The following NKAIN2 variants were observed in gnomAD, a reference collection of about 807,000 sequenced individuals.
NKAIN2 encodes sodium/potassium-transporting ATPase subunit beta-1-interacting protein 2.
In NKAIN2, 14 loss-of-function variants were observed where a neutral mutation model predicts 32.6. That is an observed-to-expected ratio of 0.43 (90% CI 0.28 to 0.67). The LOEUF (loss-of-function observed/expected upper bound fraction) is 0.67. NKAIN2 is among the 30% of genes least tolerant of loss of function. The pLI is 0.17. For missense variants in NKAIN2, 198 were observed against 258.3 expected (o/e 0.77, Z 1.60); for synonymous variants, 80 against 87.2 (o/e 0.92, Z 0.46).
intron 1 of NKAIN2, among the ~76,000 whole-genome samples, chr6:123,952,471 T>G (rs2114587842): frequency 6.6e-6 from 1 of 152,270 alleles, no homozygotes; most frequent in Middle Eastern, 3.4e-3. Context: ...ATTAAATAGG[T>G]TTTCTAACCC....
At chr6:124,489,796 C>G (rs1027215868) in intron 3 of NKAIN2, among the ~76,000 whole-genome samples, 1 of 151,760 alleles carries the variant, frequency 6.6e-6, no homozygotes, top group Non-Finnish European at 1.5e-5. Context: ...TGTCACCAAA[C>G]ATATTCATAA....
chr6:124,459,900 G>A (rs913812453), intron 3 of NKAIN2, among the ~76,000 whole-genome samples: 2 of 151,590 alleles, frequency 1.3e-5, no homozygotes, highest in Non-Finnish European at 3.0e-5. Context: ...TGATATTAGT[G>A]ACCATTTATT....
intron 1 of NKAIN2, among the ~76,000 whole-genome samples, chr6:123,916,223 G>A (rs1167609391): frequency 6.6e-6 from 1 of 152,030 alleles, no homozygotes; most frequent in Admixed American, 6.6e-5. Flanking sequence ...TATAACTGGG[G>A]TGATTAGGGA....
At chr6:124,440,353 A>G (rs1775636362) in intron 3 of NKAIN2, among the ~76,000 whole-genome samples, 1 of 152,054 alleles carries the variant, frequency 6.6e-6, no homozygotes, top group Non-Finnish European at 1.5e-5. Flanking sequence ...GGATAGACTT[A>G]AGCTCCTTTT....
chr6:124,237,686 G>T (rs1792849943), intron 1 of NKAIN2, among the ~76,000 whole-genome samples: 1 of 152,142 alleles, frequency 6.6e-6, no homozygotes, highest in South Asian at 2.1e-4. Flanking sequence ...ACAGGAGTGA[G>T]TGAAGAAAGG....
At chr6:124,260,487 A>C (rs1307404075) in intron 1 of NKAIN2, among the ~76,000 whole-genome samples, 1 of 152,208 alleles carries the variant, frequency 6.6e-6, no homozygotes, top group Non-Finnish European at 1.5e-5. Flanking sequence ...ATCTCCAGGC[A>C]GACAGGATGG....
intron 2 of NKAIN2, among the ~76,000 whole-genome samples, chr6:124,316,944 A>G (rs556337787): frequency 2.6e-5 from 4 of 152,082 alleles, no homozygotes; most frequent in African/African-American, 7.2e-5. Context: ...ATTTTTCTCT[A>G]TTGGTAGCTA....
chr6:124,191,493 C>A (rs1186066346), intron 1 of NKAIN2, among the ~76,000 whole-genome samples: 1 of 151,740 alleles, frequency 6.6e-6, no homozygotes, highest in Non-Finnish European at 1.5e-5. Context: ...TTTATTAATT[C>A]TATTTGTTAT....
chr6:124,801,917 G>A (rs768298495), intron 5 of NKAIN2, among the ~76,000 whole-genome samples: 4 of 152,264 alleles, frequency 2.6e-5, no homozygotes, highest in South Asian at 2.1e-4. Flanking sequence ...AAGGTACACC[G>A]TAAGTCACAC....
At chr6:124,503,458 A>C (rs1456770900) in intron 3 of NKAIN2, among the ~76,000 whole-genome samples, 1 of 152,132 alleles carries the variant, frequency 6.6e-6, no homozygotes, top group Non-Finnish European at 1.5e-5. Flanking sequence ...AAGTAGCTTA[A>C]AATATTTTCT....
intron 1 of NKAIN2, among the ~76,000 whole-genome samples, chr6:124,140,785 G>A (rs1787096973): frequency 6.6e-6 from 1 of 152,164 alleles, no homozygotes; most frequent in Admixed American, 6.5e-5. Context: ...AAACAGAACT[G>A]TAGAAAGAGC....
At chr6:124,411,724 GGCCT>G (rs1404645431) in intron 3 of NKAIN2, among the ~76,000 whole-genome samples, 11 of 152,124 alleles carry the variant, frequency 7.2e-5, no homozygotes, top group African/African-American at 2.7e-4. Context: ...TTTGAATTTT[GGCCT>G]GCCTTGCTAG....
intron 1 of NKAIN2, among the ~76,000 whole-genome samples, chr6:124,193,982 G>A (rs978830354): frequency 6.6e-6 from 1 of 152,074 alleles, no homozygotes; most frequent in African/African-American, 2.4e-5. Context: ...GCAGAGAGAA[G>A]ACCCTGGAGC....
rs550896322 is a variant in NKAIN2 at position 124,126,410 on chromosome 6, T to C, written c.55-156595T>C. 9.2e-5 allele frequency among the ~76,000 whole-genome samples: 14 copies of C among 152,320 alleles called. 1 individual carries two copies. The South Asian group carries it at 2.7e-3, about 29-fold the overall frequency. Reference sequence around the variant, plus strand: ...TCATTCTCCCTCTTACTTGGCTAACTTGGTTCTTGCCTCACTGAGAAAATT... The same window carrying C: ...TCATTCTCCCTCTTACTTGGCTAACCTGGTTCTTGCCTCACTGAGAAAATT... On this transcript the variant is annotated intron_variant, in intron 1 of 6. Coordinates refer to ENST00000368417, the MANE Select transcript of NKAIN2 (RefSeq NM_001040214.3).
intron 1 of NKAIN2, among the ~76,000 whole-genome samples, chr6:124,016,355 A>T (rs1336460496): frequency 6.6e-6 from 1 of 152,150 alleles, no homozygotes; most frequent in African/African-American, 2.4e-5. Flanking sequence ...TTTTTTATAA[A>T]ATGCCTTCAT....
chr6:124,767,575 C>A (rs1373550841), intron 4 of NKAIN2, among the ~76,000 whole-genome samples: 1 of 152,140 alleles, frequency 6.6e-6, no homozygotes, highest in African/African-American at 2.4e-5. Context: ...CTCTTTATAG[C>A]CTTCAGCTCT....
At chr6:124,248,585 T>C (rs957013589) in intron 1 of NKAIN2, among the ~76,000 whole-genome samples, 1 of 152,112 alleles carries the variant, frequency 6.6e-6, no homozygotes. Flanking sequence ...GTCTGTGCTG[T>C]ACTTTATTAT....
intron 1 of NKAIN2, among the ~76,000 whole-genome samples, chr6:123,948,928 T>C (rs978805430): frequency 6.6e-6 from 1 of 151,976 alleles, no homozygotes; most frequent in Admixed American, 6.6e-5. Context: ...CATCTTGAGT[T>C]GGTTTTCGGA....
At chr6:124,461,575 T>C (rs1776532407) in intron 3 of NKAIN2, among the ~76,000 whole-genome samples, 2 of 151,830 alleles carry the variant, frequency 1.3e-5, no homozygotes, top group African/African-American at 2.4e-5. Flanking sequence ...AATTTTGGCT[T>C]TTTGTACCTG....
Sources: allele counts gnomAD v4.1 joint callset (sites outside exome capture counted in the v4.1 genomes callset), GRCh38; gene constraint gnomAD v4.1.1; transcripts MANE v1.5; gene names NCBI Gene and HGNC (gene_info 2026-07-23, HGNC 2026-07-21).